Variants in LRRK2 observed in about 807,000 individuals in gnomAD.
The protein encoded by LRRK2 is leucine-rich repeat serine/threonine-protein kinase 2.
In LRRK2, 203 loss-of-function variants were observed where a neutral mutation model predicts 302.6. The ratio of observed to expected loss-of-function variants is 0.67; its 90% confidence interval spans 0.60 to 0.75. The LOEUF is 0.75. LRRK2 is among the 30% of genes least tolerant of loss of function. LRRK2 has a pLI of 0.00. For synonymous variants in LRRK2, 1,066 were observed against 1,031.9 expected (o/e 1.03, Z -0.63); for missense variants, 2,830 against 2,951.0 (o/e 0.96, Z 0.95).
chr12:40,242,214 A>G (rs552668755), intron 6 of LRRK2, among the ~76,000 whole-genome samples: 82 of 152,218 alleles, frequency 5.4e-4, no homozygotes, highest in African/African-American at 1.9e-3. Context: ...AAAGCAGTTC[A>G]TTTCCTTACG....
Position 40,340,315 on chromosome 12 carries a change from T to C in LRRK2, c.5970T>C (p.Ile1990=), listed in dbSNP as rs1173128919. The part of the protein sequence containing the change: ...DGLRYLHSAM[I]IYRDLKPHNV... ...GCAGATACCTCCACTCAGCCATGAT[T>C]ATATACCGAGACCTGAAACCCCACA... Residue 1990 remains isoleucine (I), a synonymous_variant, in exon 41 of 51, where the codon ATT becomes ATC. Transcript: ENST00000298910. 1 of 1,613,784 alleles carries C rather than the reference T, an allele frequency of 6.2e-7. No individual in the cohort carries two copies. Among genetic ancestry groups the C allele is most frequent in the African/African-American group, 1.3e-5 (1 of 74,908 alleles).
chr12:40,364,784 A>G (rs986437636), intron 48 of LRRK2, 58 bp from the exon 49 acceptor site: 14 of 1,246,828 alleles, frequency 1.1e-5, no homozygotes, highest in Non-Finnish European at 1.5e-5. Context: ...ATCATATGTA[A>G]ATAGCATTTA....
At chr12:40,239,420 C>A (rs1941625966) in intron 5 of LRRK2, among the ~76,000 whole-genome samples, 1 of 152,112 alleles carries the variant, frequency 6.6e-6, no homozygotes, top group African/African-American at 2.4e-5. Flanking sequence ...GGTCTGTAAT[C>A]TTCTGTGTGG....
At chr12:40,348,662 C>A (rs1170381554) in intron 43 of LRRK2, among the ~76,000 whole-genome samples, 153 bp downstream of exon 43, 1 of 152,132 alleles carries the variant, frequency 6.6e-6, no homozygotes, top group Non-Finnish European at 1.5e-5. Context: ...TTTTCACCAT[C>A]CCAGGCACAA....
intron 40 of LRRK2, among the ~76,000 whole-genome samples, chr12:40,335,906 A>T (rs1044628374): frequency 2.0e-5 from 3 of 152,114 alleles, no homozygotes; most frequent in African/African-American, 4.8e-5. Flanking sequence ...TTTCACAGCT[A>T]ATCCTTCAGC....
At chr12:40,257,111 T>C (rs1483799240) in intron 11 of LRRK2, 137 bp from the exon 12 acceptor site, 1 of 667,436 alleles carries the variant, frequency 1.5e-6, no homozygotes, top group Non-Finnish European at 2.5e-6. Flanking sequence ...ATCTTTAAGC[T>C]GTCAATGAAC....
chr12:40,245,412 A>G (rs1359975668), intron 7 of LRRK2, among the ~76,000 whole-genome samples: 3 of 152,146 alleles, frequency 2.0e-5, no homozygotes, highest in Non-Finnish European at 4.4e-5. Context: ...AATCAGATTT[A>G]AATCTGATGT....
intron 18 of LRRK2, 115 bp downstream of exon 18, chr12:40,278,376 C>T: frequency 1.6e-6 from 2 of 1,266,272 alleles, no homozygotes; most frequent in Non-Finnish European, 2.3e-6. Flanking sequence ...AGAAATTTAC[C>T]AGTTTATTGC....
chr12:40,319,794 T>C lies in LRRK2; in HGVS notation c.4828-194T>C, dbSNP rs1367383793. On this transcript the variant is annotated intron_variant, in intron 33 of 50. Transcript: ENST00000298910. ...ACTCCCTTAATTTAACAATTTTTTT[T>C]TTTTTTTTGAGAGTGAATGCCCCTC... 2.0e-5 allele frequency among the ~76,000 whole-genome samples: 3 copies of C among 151,666 alleles called. No homozygotes were observed. The South Asian group carries it at 6.3e-4, about 32-fold the overall frequency.
intron 49 of LRRK2, chr12:40,365,628 A>G (rs1233506285): frequency 6.6e-6 from 1 of 151,902 alleles, no homozygotes; most frequent in African/African-American, 2.4e-5. Flanking sequence ...TCCTTTGATA[A>G]TAATTTGTTT....
At chr12:40,360,286 C>T (rs1295067812) in intron 47 of LRRK2, among the ~76,000 whole-genome samples, 3 of 151,730 alleles carry the variant, frequency 2.0e-5, no homozygotes, top group South Asian at 2.1e-4. Flanking sequence ...TAAACATTAG[C>T]TATTATTATT....
rs1943048961 is a variant in LRRK2 at position 40,267,063 on chromosome 12, A to G, written c.1656+3162A>G. Among the ~76,000 whole-genome samples the G allele has an allele frequency of 1.3e-5, 2 of 152,266 alleles. 1 individual carries two copies. Among genetic ancestry groups the G allele is most frequent in the South Asian group, 4.1e-4 (2 of 4,830 alleles). On this transcript the variant is annotated intron_variant, in intron 14 of 50. Transcript: ENST00000298910. ...ACAAGTTACTGGGTGTAGCACACCA[A>G]CATGGCACATGTATACATATGTAAC...
At chr12:40,254,560 G>A (rs150068363) in intron 11 of LRRK2, among the ~76,000 whole-genome samples, 26 of 152,314 alleles carry the variant, frequency 1.7e-4, no homozygotes, top group African/African-American at 6.3e-4. Flanking sequence ...ACTGGACTTT[G>A]TGGCTTCTGT....
rs768445472 is a variant in LRRK2, at chr12:40,232,367, G to T, written c.331G>T (p.Val111Phe). ...CCAGGATGTTGGAAATGATTGGGAA[G>T]TCCTTGGTGTTCACCAGTAAGTATG... Reference protein sequence around the residue: ...GPQDVGNDWEVLGVHQLILKM... With the variant: ...GPQDVGNDWEFLGVHQLILKM... Residue 111 changes from valine (V) to phenylalanine (F), a missense_variant, in exon 3 of 51, where the codon GTC becomes TTC. By Grantham distance (50) the Val-to-Phe change is conservative. Transcript: ENST00000298910. 1.2e-6 allele frequency: 2 copies of T among 1,613,176 alleles called. No homozygotes were observed. The highest frequency in any genetic ancestry group is 4.5e-5 in the East Asian group (2 of 44,854).
intron 47 of LRRK2, 34 bp from the exon 48 acceptor site, chr12:40,363,368 A>G (rs1434403676): frequency 6.3e-7 from 1 of 1,587,434 alleles, no homozygotes; most frequent in Non-Finnish European, 8.6e-7. Flanking sequence ...AAGAAAACAA[A>G]TAGTGATGAC....
intron 7 of LRRK2, among the ~76,000 whole-genome samples, chr12:40,247,526 A>AC (rs199631346): frequency 3.1e-5 from 2 of 64,046 alleles, no homozygotes; most frequent in Non-Finnish European, 6.5e-5. Flanking sequence ...ATATACATAC[A>AC]AATGTATATA....
intron 5 of LRRK2, among the ~76,000 whole-genome samples, chr12:40,239,608 A>AT: frequency 6.6e-6 from 1 of 152,156 alleles, no homozygotes. Flanking sequence ...GAGTAGAAAA[A>AT]TTTCTGATTT....
intron 3 of LRRK2, 165 bp downstream of exon 3, chr12:40,232,548 T>C: frequency 1.7e-6 from 1 of 596,086 alleles, no homozygotes. Flanking sequence ...TAGAGAGCTT[T>C]AAACTCAGAA....
At chr12:40,300,957 A>G (rs1944602153) in intron 25 of LRRK2, 1 of 470,720 alleles carries the variant, frequency 2.1e-6, no homozygotes, top group Admixed American at 2.4e-5. Flanking sequence ...TCAGTGTGTC[A>G]TCTCAGCTGA....
Sources: gnomAD v4.1 joint callset for allele counts (sites outside exome capture counted in the v4.1 genomes callset) on GRCh38, gnomAD v4.1.1 for gene constraint, MANE v1.5 for transcripts, NCBI Gene and HGNC (gene_info 2026-07-23, HGNC 2026-07-21) for gene names.